Variants in SPATC1 observed in about 807,000 individuals in gnomAD.
SPATC1 encodes the protein spermatogenesis and centriole associated 1.
In SPATC1, 35 loss-of-function variants were observed where a neutral mutation model predicts 36.5. The ratio of observed to expected loss-of-function variants is 0.96; its 90% CI spans 0.73 to 1.27. SPATC1 has a LOEUF of 1.27. Ranked by LOEUF, SPATC1 falls within the 50% of genes most tolerant of loss-of-function variation. The pLI, the probability that SPATC1 is intolerant of heterozygous loss-of-function variation, is 0.00. For synonymous variants in SPATC1, 361 were observed against 353.6 expected (o/e 1.02, Z -0.24); for missense variants, 779 against 796.0 (o/e 0.98, Z 0.26).
At chr8:144,026,643 T>A (rs1834683234) in intron 1 of SPATC1, among the ~76,000 whole-genome samples, 2 of 152,182 alleles carry the variant, frequency 1.3e-5, no homozygotes, top group Non-Finnish European at 2.9e-5. Flanking sequence ...ATCATAACCA[T>A]CCTAGTGGGT....
intron 1 of SPATC1, among the ~76,000 whole-genome samples, chr8:144,031,351 C>T (rs921420217): frequency 2.6e-5 from 4 of 152,138 alleles, no homozygotes; most frequent in African/African-American, 9.6e-5. Context: ...TACCTTCTGG[C>T]CTTCATAGTT....
chr8:144,015,000 T>C (rs1834354320), intron 1 of SPATC1, among the ~76,000 whole-genome samples: 2 of 152,206 alleles, frequency 1.3e-5, no homozygotes, highest in Admixed American at 1.3e-4. Context: ...CAAGGAGCGG[T>C]GCTGTCAAAA....
intron 1 of SPATC1, among the ~76,000 whole-genome samples, chr8:144,027,460 T>C (rs1276790207): frequency 6.6e-6 from 1 of 152,228 alleles, no homozygotes; most frequent in Non-Finnish European, 1.5e-5. Flanking sequence ...TGAGGTCCAA[T>C]TTATCTATTG....
intron 1 of SPATC1, 98 bp from the exon 2 acceptor site, chr8:144,039,811 T>C (rs577458355): frequency 1.5e-6 from 2 of 1,324,582 alleles, no homozygotes; most frequent in African/African-American, 2.9e-5. Flanking sequence ...AGATGGGCAC[T>C]ATGGCCAGGC....
chr8:144,045,846 A>G lies in SPATC1; in HGVS notation c.1447-781A>G, dbSNP rs1469823367. ...GGCACTGGGCTTCCCACAACTGCCC[A>G]GGTCACACATCCAGGGGGCAGCGGC... On this transcript the variant is annotated intron_variant, in intron 4 of 4. Coordinates refer to ENST00000377470, the MANE Select transcript of SPATC1 (RefSeq NM_198572.3). The surrounding 1 kb of genome is among the most constrained non-coding windows in gnomAD (Gnocchi z 5.2). Among the ~76,000 whole-genome samples, 1 of 152,260 alleles carries G rather than the reference A, an allele frequency of 6.6e-6. No individual in the cohort carries two copies. The highest frequency in any genetic ancestry group is 2.4e-5 in the African/African-American group (1 of 41,478).
chr8:144,028,181 G>A (rs1260787353), intron 1 of SPATC1, among the ~76,000 whole-genome samples: 1 of 152,072 alleles, frequency 6.6e-6, no homozygotes, highest in South Asian at 2.1e-4. Context: ...AAAAGCAATT[G>A]CAACAAAAGC....
chr8:144,015,060 GAC>G (rs1554752985), intron 1 of SPATC1, among the ~76,000 whole-genome samples: 1 of 151,200 alleles, frequency 6.6e-6, no homozygotes, highest in African/African-American at 2.4e-5. Context: ...TTTTTTGAGA[GAC>G]AGAGTCTTGC....
At chr8:144,039,872 C>A (rs1554755344) in intron 1 of SPATC1, 37 bp from the exon 2 acceptor site, 2 of 1,585,464 alleles carry the variant, frequency 1.3e-6, no homozygotes, top group South Asian at 2.3e-5. Flanking sequence ...TCTGGAGGGG[C>A]TCCCCTGGGG....
chr8:144,022,548 C>CCTCCCCCTTCAGAAACCT (rs1834556247), intron 1 of SPATC1, among the ~76,000 whole-genome samples: 2 of 42,244 alleles, frequency 4.7e-5, no homozygotes, highest in African/African-American at 9.6e-5. Context: ...CCCTGAAAAC[C>CCTCCCCCTTCAGAAACCT]CTTCCCCCTC....
rs1834811525 is a variant in SPATC1 at position 144,032,202 on chromosome 8, T to C, written c.212-7707T>C. Among the ~76,000 whole-genome samples the C allele has an allele frequency of 3.9e-5, 6 of 152,318 alleles. No homozygotes were observed. The South Asian group carries it at 1.2e-3, about 32-fold the overall frequency. On this transcript the variant is annotated intron_variant, in intron 1 of 4. Coordinates refer to ENST00000377470, the MANE Select transcript of SPATC1 (RefSeq NM_198572.3). ...TCCATGGATTTAGTTTCAAGTTTGT[T>C]GATTCATTCTTCTGCCTGCCCAGAT...
At chr8:144,041,626 C>T (rs1835103794) in intron 4 of SPATC1, among the ~76,000 whole-genome samples, 1 of 152,242 alleles carries the variant, frequency 6.6e-6, no homozygotes, top group African/African-American at 2.4e-5. Context: ...CCAGGATGGC[C>T]TCCTCTGTGG....
At position 144,041,087 on chromosome 8, in the gene SPATC1, A is replaced by T; in HGVS notation, c.1286A>T (p.Lys429Met). 6.3e-7 allele frequency: 1 copy of T among 1,584,676 alleles called. No individual in the cohort carries two copies. Among genetic ancestry groups the T allele is most frequent in the Non-Finnish European group, 8.6e-7 (1 of 1,163,500 alleles). Reference protein sequence around the residue: ...ERKLAHRKTSKFPENPRESKQ... With the variant: ...ERKLAHRKTSMFPENPRESKQ... ...AAGCTGGCCCACCGCAAGACCAGCAAGTTCCCCGAGAACCCCCGAGGTCAG... is the reference window on the plus strand; with the variant it reads ...AAGCTGGCCCACCGCAAGACCAGCATGTTCCCCGAGAACCCCCGAGGTCAG... Residue 429 changes from lysine (K) to methionine (M), a missense_variant, in exon 3 of 5, where the codon AAG becomes ATG. Lys to Met is a moderately conservative substitution (Grantham distance 95, BLOSUM62 -1). Transcript: ENST00000377470.
intron 1 of SPATC1, among the ~76,000 whole-genome samples, chr8:144,014,350 G>A (rs1834339777): frequency 6.8e-6 from 1 of 148,050 alleles, no homozygotes; most frequent in African/African-American, 2.5e-5. Flanking sequence ...AGAAAGAAAG[G>A]GAAAGGAAGG....
rs1554756053 is a variant in SPATC1, at chr8:144,041,354, C to G, written c.1429C>G (p.Pro477Ala). 1.9e-6 allele frequency: 3 copies of G among 1,610,528 alleles called. No homozygotes were observed. The highest frequency in any genetic ancestry group is 2.2e-5 in the East Asian group (1 of 44,888). Reference sequence around the variant, plus strand: ...CTACGGCTTCACTGTCTCCAACATCCCAGAGAAGATCATCCAGGTGTGCGG... The same window carrying G: ...CTACGGCTTCACTGTCTCCAACATCGCAGAGAAGATCATCCAGGTGTGCGG... Reference protein sequence around the residue: ...RLYGFTVSNIPEKIIQASLNP... With the variant: ...RLYGFTVSNIAEKIIQASLNP... Residue 477 changes from proline to alanine, a missense_variant, in exon 4 of 5, where the codon CCA becomes GCA. Physicochemically the swap from Pro to Ala is conservative, Grantham distance 27. Coordinates refer to ENST00000377470, the MANE Select transcript of SPATC1 (RefSeq NM_198572.3).
intron 1 of SPATC1, among the ~76,000 whole-genome samples, chr8:144,021,341 TCCCCTGAGAATTCTC>T (rs1834530816): frequency 7.8e-3 from 29 of 3,714 alleles, no homozygotes; most frequent in Non-Finnish European, 0.014. Flanking sequence ...ACCCAGTTTC[TCCCCTGAGAATTCTC>T]TCCCTCAGGA....
intron 1 of SPATC1, among the ~76,000 whole-genome samples, chr8:144,035,217 C>A (rs1202409877): frequency 6.6e-6 from 1 of 152,216 alleles, no homozygotes; most frequent in Non-Finnish European, 1.5e-5. Flanking sequence ...CAACTCTGTC[C>A]ACATGCTTCT....
intron 1 of SPATC1, among the ~76,000 whole-genome samples, chr8:144,013,398 C>T (rs1261199333): frequency 2.0e-5 from 3 of 152,170 alleles, no homozygotes; most frequent in South Asian, 2.1e-4. Context: ...CAATGAGTCA[C>T]TGGAACTTAG....
intron 1 of SPATC1, among the ~76,000 whole-genome samples, chr8:144,033,297 C>T (rs1292409667): frequency 2.6e-5 from 4 of 151,832 alleles, no homozygotes; most frequent in Admixed American, 2.6e-4. Context: ...ATTTGGGAGG[C>T]TGAGACTGGA....
Position 144,024,258 on chromosome 8 carries a change from C to T in SPATC1, c.211+11532C>T, listed in dbSNP as rs1014043273. ...CCCCTCCAGGCCCTCTCCCTCATGACCTACTCACTCCCCTGAGGACCCTCT... is the reference window on the plus strand; with the variant it reads ...CCCCTCCAGGCCCTCTCCCTCATGATCTACTCACTCCCCTGAGGACCCTCT... On this transcript the variant is annotated intron_variant, in intron 1 of 4. Transcript: ENST00000377470. Among the ~76,000 whole-genome samples, 39 of 144,720 alleles carry T rather than the reference C, an allele frequency of 2.7e-4. 1 individual carries two copies. Among genetic ancestry groups the T allele is most frequent in the African/African-American group, 8.5e-4 (33 of 38,784 alleles). 94.9% of individuals were successfully genotyped at this position (144,720 alleles called of 152,430 possible).
Sources: gnomAD v4.1 joint callset for allele counts (sites outside exome capture counted in the v4.1 genomes callset) on GRCh38, gnomAD v4.1.1 for gene constraint, Gnocchi (gnomAD v3.1) non-coding constraint, MANE v1.5 for transcripts, NCBI Gene and HGNC (gene_info 2026-07-23, HGNC 2026-07-21) for gene names.